Variants in C4orf50 observed in about 807,000 individuals in gnomAD.
The protein encoded by C4orf50 is chromosome 4 open reading frame 50, also known as uncharacterized protein C4orf50.
A neutral mutation model predicts 77.2 loss-of-function variants in C4orf50; 80 were observed. That is an observed-to-expected ratio of 1.04 (90% CI 0.87 to 1.25). The LOEUF is 1.25. C4orf50 is among the 50% of genes most tolerant of loss of function. C4orf50 has a pLI of 0.00. For missense variants in C4orf50, 1,257 were observed against 1,152.9 expected (o/e 1.09, Z -1.31); for synonymous variants, 532 against 465.3 (o/e 1.14, Z -1.84).
At chr4:5,960,060 A>G (rs1269181611) in intron 33 of C4orf50, among the ~76,000 whole-genome samples, 1 of 152,238 alleles carries the variant, frequency 6.6e-6, no homozygotes, top group Non-Finnish European at 1.5e-5. Context: ...CAAATGTGCC[A>G]TCTTACTTGC....
intron 7 of C4orf50, among the ~76,000 whole-genome samples, chr4:5,938,757 A>G (rs994728163): frequency 1.3e-5 from 2 of 151,712 alleles, no homozygotes; most frequent in Admixed American, 6.6e-5. Context: ...AAATCTATCA[A>G]ACTCCTTTCA....
At position 5,958,542 on chromosome 4, in the gene C4orf50, C is replaced by T. The variant is rs930050025; in HGVS notation, c.*833G>A. On this transcript the variant is annotated 3_prime_UTR_variant, in exon 34 of 34. Transcript: ENST00000531445. This position sits in a 1 kb window ranked among gnomAD's most constrained non-coding sequence, Gnocchi z 5.4. ...AGTAGAACGGACCCTTACCTTCATCCCGTTGCTCAGGGCACATGTGACACT... is the reference window on the plus strand; with the variant it reads ...AGTAGAACGGACCCTTACCTTCATCTCGTTGCTCAGGGCACATGTGACACT... The T allele has an allele frequency of 6.6e-6, 1 of 152,138 alleles. No homozygotes were observed. Among genetic ancestry groups the T allele is most frequent in the African/African-American group, 2.4e-5 (1 of 41,428 alleles). 9.4% of individuals were successfully genotyped at this position (152,138 alleles called of 1,614,324 possible).
At chr4:5,974,512 G>A (rs1041110554) in intron 30 of C4orf50, among the ~76,000 whole-genome samples, 2 of 152,168 alleles carry the variant, frequency 1.3e-5, no homozygotes, top group Non-Finnish European at 1.5e-5. Context: ...GAACTGTCTG[G>A]CTCATGTTTC....
chr4:6,004,089 A>ATGATGGTGATGATGC (rs1577991656), intron 25 of C4orf50, among the ~76,000 whole-genome samples: 18 of 22,892 alleles, frequency 7.9e-4, no homozygotes, highest in East Asian at 3.0e-3. Context: ...TGTGATAGTG[A>ATGATGGTGATGATGC]TGATGGTGAT....
chr4:5,969,720 C>A (rs1054682752), intron 31 of C4orf50, among the ~76,000 whole-genome samples: 1 of 152,140 alleles, frequency 6.6e-6, no homozygotes, highest in South Asian at 2.1e-4. Flanking sequence ...TACAGCAGCC[C>A]CCACCTGGCC....
Position 5,989,973 on chromosome 4 carries a change from C to G in C4orf50, c.2073G>C (p.Gly691=), listed in dbSNP as rs181852801. The change falls in exon 28 of 34, where the codon GGG becomes GGC. Residue 691 remains glycine, a synonymous_variant. Coordinates refer to ENST00000531445, the Ensembl canonical transcript of C4orf50. ...CTGTCCTCCCAGTGGCTCTGACTTT[C>G]CCTGCGAGGAGCTGACTGTCTGTTG... is the stretch of plus-strand genomic sequence containing the variant. The G allele has an allele frequency of 2.2e-5, 31 of 1,409,948 alleles. No individual in the cohort carries two copies. The African/African-American group carries it at 3.5e-4, about 16-fold the overall frequency. The allele number at this position is 1,409,948 out of a possible 1,614,324, so 87.3% of individuals were successfully genotyped here.
intron 7 of C4orf50, among the ~76,000 whole-genome samples, chr4:5,924,646 T>C (rs528318946): frequency 6.6e-6 from 1 of 152,030 alleles, no homozygotes; most frequent in East Asian, 1.9e-4. Context: ...TCTTCTGCCA[T>C]CAGAGTGGCT....
chr4:6,008,698 A>G lies in C4orf50; in HGVS notation c.427-166T>C, dbSNP rs1003192956. ...GTATTATCTCTTTGACTGTTTTGGC[A>G]TCCTCTTAAATTTTGCACGGAGGCA... On this transcript the variant is annotated intron_variant, in intron 24 of 33. Transcript: ENST00000531445. The surrounding 1 kb of genome is among the most constrained non-coding windows in gnomAD (Gnocchi z 6.0). 6.6e-6 allele frequency among the ~76,000 whole-genome samples: 1 copy of G among 152,160 alleles called. No individual in the cohort carries two copies. The highest frequency in any genetic ancestry group is 1.5e-5 in the Non-Finnish European group (1 of 68,024).
intron 28 of C4orf50, among the ~76,000 whole-genome samples, chr4:5,985,438 A>G (rs1720806703): frequency 6.6e-6 from 1 of 152,086 alleles, no homozygotes; most frequent in Non-Finnish European, 1.5e-5. Context: ...AAACTATTGA[A>G]AAATTTTTAT....
intron 7 of C4orf50, among the ~76,000 whole-genome samples, chr4:5,937,172 C>A (rs775960501): frequency 7.9e-5 from 12 of 151,728 alleles, no homozygotes; most frequent in Non-Finnish European, 1.6e-4. Flanking sequence ...AGAACGGCAA[C>A]TAAAGAAACT....
chr4:5,963,633 G>A (rs1719393070), intron 33 of C4orf50, among the ~76,000 whole-genome samples: 1 of 152,052 alleles, frequency 6.6e-6, no homozygotes, highest in South Asian at 2.1e-4. Flanking sequence ...GAATCCATGG[G>A]GATAAAAGAA....
chr4:5,916,148 T>C lies in C4orf50; in HGVS notation c.*2475-17960A>G, dbSNP rs1717019176. Among the ~76,000 whole-genome samples, 1 of 152,134 alleles carries C rather than the reference T, an allele frequency of 6.6e-6. No individual in the cohort carries two copies. The highest frequency in any genetic ancestry group is 6.5e-5 in the Admixed American group (1 of 15,278). On this transcript the variant is annotated intron_variant, in intron 7 of 7. Transcript: ENST00000324058. This position sits in a 1 kb window ranked among gnomAD's most constrained non-coding sequence, Gnocchi z 4.4. Reference sequence around the variant, plus strand: ...CAAGCATTGCCAAGAAGCCCTACCATTTTCCTGGTTCCTGTGGGCTGTGAC... The same window carrying C: ...CAAGCATTGCCAAGAAGCCCTACCACTTTCCTGGTTCCTGTGGGCTGTGAC...
rs114234184 is a variant in C4orf50, at chr4:5,908,575, G to T, written c.*2475-10387C>A. Among the ~76,000 whole-genome samples, 1 of 152,022 alleles carries T rather than the reference G, an allele frequency of 6.6e-6. No individual in the cohort carries two copies. The highest frequency in any genetic ancestry group is 1.5e-5 in the Non-Finnish European group (1 of 68,016). ...AGGGAGACGACCATGCGATGGGGAG[G>T]GGGGAAAGCCCTGGGGTATCAGAAA... is the stretch of plus-strand genomic sequence containing the variant. On this transcript the variant is annotated intron_variant, in intron 7 of 7. Transcript: ENST00000324058. This position sits in a 1 kb window ranked among gnomAD's most constrained non-coding sequence, Gnocchi z 5.6.
At chr4:5,946,928 C>A (rs1423717095) in intron 7 of C4orf50, among the ~76,000 whole-genome samples, 2 of 152,198 alleles carry the variant, frequency 1.3e-5, no homozygotes, top group African/African-American at 4.8e-5. Context: ...ACAGAAGATA[C>A]ATTTACATAT....
intron 7 of C4orf50, among the ~76,000 whole-genome samples, chr4:5,923,532 G>A (rs970513202): frequency 2.6e-5 from 4 of 152,028 alleles, no homozygotes; most frequent in African/African-American, 9.7e-5. Flanking sequence ...CAAGCAGATG[G>A]AGAGAATGAT....
At chr4:5,926,806 C>T (rs967838355) in intron 7 of C4orf50, among the ~76,000 whole-genome samples, 1 of 152,188 alleles carries the variant, frequency 6.6e-6, no homozygotes, top group African/African-American at 2.4e-5. Flanking sequence ...CTGTTTCCCA[C>T]ACAAACAGGA....
intron 32 of C4orf50, among the ~76,000 whole-genome samples, chr4:5,967,061 T>C (rs13150942): frequency 0.36 from 54,898 of 152,140 alleles, 10,177 homozygotes; most frequent in Admixed American, 0.44. Context: ...TATGGGTTCA[T>C]TAACAATACT....
At chr4:5,971,376 G>A (rs1285163188) in intron 31 of C4orf50, among the ~76,000 whole-genome samples, 1 of 152,196 alleles carries the variant, frequency 6.6e-6, no homozygotes, top group Non-Finnish European at 1.5e-5. Context: ...CCCTGCCGGG[G>A]CACAGGTGCC....
chr4:5,978,779 A>T (rs1302472701), intron 29 of C4orf50, among the ~76,000 whole-genome samples: 1 of 152,248 alleles, frequency 6.6e-6, no homozygotes, highest in Non-Finnish European at 1.5e-5. Context: ...GTGTAAGTTC[A>T]TAGAAATGCT....
Sources: gnomAD v4.1 joint callset for allele counts (sites outside exome capture counted in the v4.1 genomes callset) on GRCh38, gnomAD v4.1.1 for gene constraint, Gnocchi (gnomAD v3.1) non-coding constraint, MANE v1.5 for transcripts, NCBI Gene and HGNC (gene_info 2026-07-23, HGNC 2026-07-21) for gene names.